The following LRRFIP1 variants were observed in gnomAD, a reference collection of about 807,000 sequenced individuals.
LRRFIP1 encodes leucine-rich repeat flightless-interacting protein 1.
LRRFIP1 carries 62 observed loss-of-function variants against 104.4 expected under a neutral mutation model. The ratio of observed to expected loss-of-function variants is 0.59; its 90% confidence interval spans 0.48 to 0.73. The LOEUF is 0.73. LRRFIP1 is among the 30% of genes least tolerant of loss of function. LRRFIP1 has a pLI of 0.00. For missense variants in LRRFIP1, 796 were observed against 824.5 expected (o/e 0.97, Z 0.42); for synonymous variants, 300 against 299.0 (o/e 1.00, Z -0.03).
chr2:237,774,821 C>T (rs899835484), intron 23 of LRRFIP1, among the ~76,000 whole-genome samples: 1 of 152,224 alleles, frequency 6.6e-6, no homozygotes, highest in Non-Finnish European at 1.5e-5. Flanking sequence ...AGCCCATGGG[C>T]CTGCTGTGGC....
At position 237,765,278 on chromosome 2, in the gene LRRFIP1, A is replaced by C. The variant is rs201524991; in HGVS notation, c.1460-4665A>C. On this transcript the variant is annotated intron_variant, in intron 19 of 23. Transcript: ENST00000308482. ...AACTCTGTCTAAAAAAAAAAAAAAA[A>C]ACACACACACACACAACACAATGTT... The C allele has an allele frequency of 6.7e-4, 109 of 163,338 alleles. 1 individual carries two copies. The highest frequency in any genetic ancestry group is 8.4e-4 in the Non-Finnish European group (70 of 83,784). The allele number at this position is 163,338 out of a possible 1,614,324, so 10.1% of individuals were successfully genotyped here.
chr2:237,633,295 T>C (rs6715815), intron 1 of LRRFIP1, among the ~76,000 whole-genome samples: 65,821 of 152,080 alleles, frequency 0.43, 14,487 homozygotes, highest in East Asian at 0.46. Context: ...TTGGAGGGCG[T>C]GAACAATGTG....
chr2:237,682,685 A>G (rs2091963682), intron 1 of LRRFIP1, among the ~76,000 whole-genome samples: 1 of 151,848 alleles, frequency 6.6e-6, no homozygotes, highest in South Asian at 2.1e-4. Context: ...TCAACTCCCC[A>G]CTTCCCACCC....
intron 1 of LRRFIP1, among the ~76,000 whole-genome samples, chr2:237,644,189 T>A (rs1054105519): frequency 6.6e-6 from 1 of 152,262 alleles, no homozygotes; most frequent in African/African-American, 2.4e-5. Flanking sequence ...GTGTGCACGA[T>A]CGGGTTGCAT....
chr2:237,752,398 A>G (rs992544191), intron 14 of LRRFIP1, among the ~76,000 whole-genome samples: 1 of 152,166 alleles, frequency 6.6e-6, no homozygotes. Context: ...AGAGCGAGAC[A>G]CTGTTTCAAA....
chr2:237,713,153 G>A (rs2094180799), intron 2 of LRRFIP1, among the ~76,000 whole-genome samples: 1 of 152,022 alleles, frequency 6.6e-6, no homozygotes, highest in East Asian at 1.9e-4. Context: ...TGTACGGAGA[G>A]GGGAGGTGGC....
intron 1 of LRRFIP1, among the ~76,000 whole-genome samples, chr2:237,640,214 C>CG (rs1301149362): frequency 1.3e-5 from 2 of 152,124 alleles, no homozygotes; most frequent in Admixed American, 6.5e-5. Context: ...TTTTAGAAGT[C>CG]GGCTGCAGGC....
intron 1 of LRRFIP1, among the ~76,000 whole-genome samples, chr2:237,670,649 G>A (rs1470355120): frequency 3.3e-5 from 5 of 152,214 alleles, no homozygotes; most frequent in Non-Finnish European, 7.4e-5. Context: ...GCCAGCACTC[G>A]GTGGCAGTCT....
In LRRFIP1 at chr2:237,711,870, C is replaced by T. The variant is rs374450134; in HGVS notation, c.184-2389C>T. 1.3e-5 allele frequency among the ~76,000 whole-genome samples: 2 copies of T among 152,322 alleles called. No individual in the cohort carries two copies. The highest frequency in any genetic ancestry group is 1.5e-5 in the Non-Finnish European group (1 of 68,026). ...GCTGCCCTGGGAGACGAGAGCCAGA[C>T]GAGGAAGGGCCAGCCCAGTCAGCCC... On this transcript the variant is annotated intron_variant, in intron 2 of 23. Coordinates refer to ENST00000308482, the MANE Select transcript of LRRFIP1 (RefSeq NM_001137550.2). This position sits in a 1 kb window ranked among gnomAD's most constrained non-coding sequence, Gnocchi z 4.4.
chr2:237,737,480 CT>C (rs768787653), intron 10 of LRRFIP1, among the ~76,000 whole-genome samples: 6 of 152,186 alleles, frequency 3.9e-5, no homozygotes, highest in Non-Finnish European at 5.9e-5. Context: ...TCACTTTGTT[CT>C]TTTCTGCGTG....
At chr2:237,752,623 G>A (rs884178) in intron 14 of LRRFIP1, among the ~76,000 whole-genome samples, 40,340 of 152,012 alleles carry the variant, frequency 0.27, 5,614 homozygotes, top group East Asian at 0.53. Context: ...TTTTGGAATC[G>A]CCTTCCCCTC....
intron 11 of LRRFIP1, among the ~76,000 whole-genome samples, chr2:237,747,749 A>G (rs559137601): frequency 9.9e-5 from 15 of 152,238 alleles, no homozygotes; most frequent in Non-Finnish European, 1.9e-4. Context: ...TGGGGAAAAC[A>G]TGATTAGTTG....
rs575199623 is a variant in LRRFIP1, at chr2:237,676,250, C to T, written c.97-32294C>T. 3.3e-5 allele frequency among the ~76,000 whole-genome samples: 5 copies of T among 152,260 alleles called. No homozygotes were observed. The South Asian group carries it at 1.0e-3, about 32-fold the overall frequency. ...TTTTTACTACTGAGCTTCGCTTTTCCAATAAAAGTTCAAGGTACATAGTTT... is the reference window on the plus strand; with the variant it reads ...TTTTTACTACTGAGCTTCGCTTTTCTAATAAAAGTTCAAGGTACATAGTTT... On this transcript the variant is annotated intron_variant, in intron 1 of 23. Coordinates refer to ENST00000308482, the MANE Select transcript of LRRFIP1 (RefSeq NM_001137550.2).
intron 6 of LRRFIP1, 89 bp from the exon 7 acceptor site, chr2:237,723,459 T>C: frequency 3.2e-6 from 4 of 1,261,764 alleles, no homozygotes; most frequent in Non-Finnish European, 4.6e-6. Context: ...TAAAGATTGC[T>C]TGTATTTATG....
chr2:237,688,030 C>T (rs1469818063), intron 1 of LRRFIP1, among the ~76,000 whole-genome samples: 1 of 152,230 alleles, frequency 6.6e-6, no homozygotes, highest in African/African-American at 2.4e-5. Flanking sequence ...CAAAATTAGA[C>T]CATGCTACTG....
chr2:237,627,719 G>C lies in LRRFIP1; in HGVS notation c.75G>C (p.Ala25=), dbSNP rs1447626389. Reference sequence around the variant, plus strand: ...AGCGGCTCACGGCGGAGGACGACGCGCTCAACCAGATCGCGCGGGAGGTGA... The same window carrying C: ...AGCGGCTCACGGCGGAGGACGACGCCCTCAACCAGATCGCGCGGGAGGTGA... ...NRERLTAEDD[A]LNQIAREAEA... The change falls in exon 1 of 24, where the codon GCG becomes GCC. Residue 25 remains alanine, a synonymous_variant. Coordinates refer to ENST00000308482, the MANE Select transcript of LRRFIP1 (RefSeq NM_001137550.2). 5.2e-6 allele frequency: 7 copies of C among 1,349,098 alleles called. No homozygotes were observed. The highest frequency in any genetic ancestry group is 6.7e-6 in the Non-Finnish European group (7 of 1,039,312). The allele number at this position is 1,349,098 out of a possible 1,614,324, so 83.6% of individuals were successfully genotyped here.
At chr2:237,741,860 A>C (rs990288770) in intron 11 of LRRFIP1, among the ~76,000 whole-genome samples, 1 of 152,142 alleles carries the variant, frequency 6.6e-6, no homozygotes, top group African/African-American at 2.4e-5. Flanking sequence ...AAAGAAAGAA[A>C]AGAAAATATA....
chr2:237,714,162 A>T (rs902597413), intron 2 of LRRFIP1, 97 bp from the exon 3 acceptor site: 4 of 757,348 alleles, frequency 5.3e-6, no homozygotes, highest in Non-Finnish European at 8.8e-6. Context: ...TTGTGACTTG[A>T]TTCATATGTC....
chr2:237,645,052 C>G (rs1162753058), intron 1 of LRRFIP1, among the ~76,000 whole-genome samples: 1 of 152,232 alleles, frequency 6.6e-6, no homozygotes, highest in Non-Finnish European at 1.5e-5. Context: ...GCTCTGGAAG[C>G]AAGTCACTAG....
Sources: gnomAD v4.1 joint callset for allele counts (sites outside exome capture counted in the v4.1 genomes callset) on GRCh38, gnomAD v4.1.1 for gene constraint, Gnocchi (gnomAD v3.1) non-coding constraint, MANE v1.5 for transcripts, NCBI Gene and HGNC (gene_info 2026-07-23, HGNC 2026-07-21) for gene names.